The following LONP2 variants were observed in gnomAD, a reference collection of about 807,000 sequenced individuals.
LONP2 encodes the protein lon peptidase 2, peroxisomal, also known as lon protease homolog 2, peroxisomal.
Under a neutral mutation model 85.6 loss-of-function variants are expected in LONP2, and 60 were observed. The observed-to-expected ratio is 0.70, with a 90% confidence interval of 0.57 to 0.87. The LOEUF is 0.87. Ranked by LOEUF, LONP2 falls within the 40% of genes least tolerant of loss-of-function variation. The pLI, the probability that LONP2 is intolerant of heterozygous loss-of-function variation, is 0.00. For synonymous variants in LONP2, 395 were observed against 389.7 expected (o/e 1.01, Z -0.16); for missense variants, 860 against 1,063.5 (o/e 0.81, Z 2.66).
intron 8 of LONP2, among the ~76,000 whole-genome samples, chr16:48,287,001 A>G (rs531414545): frequency 1.3e-5 from 2 of 152,198 alleles, no homozygotes; most frequent in African/African-American, 2.4e-5. Context: ...TTCTGGTTTC[A>G]TTCTGTAAAG....
intron 2 of LONP2, among the ~76,000 whole-genome samples, chr16:48,255,532 T>G (rs571135535): frequency 1.3e-4 from 20 of 152,328 alleles, no homozygotes; most frequent in African/African-American, 4.6e-4. Context: ...CTCCCAGATA[T>G]ACGCTGACAG....
At chr16:48,245,810 T>G (rs1971343704) in intron 1 of LONP2, among the ~76,000 whole-genome samples, 2 of 152,156 alleles carry the variant, frequency 1.3e-5, no homozygotes, top group African/African-American at 2.4e-5. Flanking sequence ...TTATATGTGG[T>G]CCACATTATA....
At chr16:48,318,319 G>A (rs1055571427) in intron 11 of LONP2, among the ~76,000 whole-genome samples, 1 of 152,070 alleles carries the variant, frequency 6.6e-6, no homozygotes, top group East Asian at 1.9e-4. Flanking sequence ...AGGAGTTTGA[G>A]ACCAGCCTGG....
chr16:48,296,210 C>G, intron 9 of LONP2, 45 bp downstream of exon 9: 2 of 1,587,530 alleles, frequency 1.3e-6, no homozygotes, highest in Non-Finnish European at 1.7e-6. Flanking sequence ...CCTTTCTGAC[C>G]ATAACTTTAA....
chr16:48,351,571 C>T lies in LONP2; in HGVS notation c.2338-10C>T. 1 of 1,607,246 alleles carries T rather than the reference C, an allele frequency of 6.2e-7. No homozygotes were observed. The highest frequency in any genetic ancestry group is 8.5e-7 in the Non-Finnish European group (1 of 1,176,630). On this transcript the variant is annotated splice_polypyrimidine_tract_variant and intron_variant, in intron 14 of 14. Coordinates refer to ENST00000285737, the MANE Select transcript of LONP2 (RefSeq NM_031490.5). ...TCATTAACCCTAAAAACTTTTTTCT[C>T]TCCTTACAGGTGGGTGGAATTAAAG...
intron 11 of LONP2, among the ~76,000 whole-genome samples, chr16:48,304,237 G>A (rs1414225357): frequency 6.6e-6 from 1 of 152,166 alleles, no homozygotes; most frequent in Non-Finnish European, 1.5e-5. Flanking sequence ...TTCAGGTACT[G>A]CAAGGACAGA....
intron 8 of LONP2, among the ~76,000 whole-genome samples, chr16:48,291,564 A>G (rs1972557363): frequency 6.6e-6 from 1 of 152,220 alleles, no homozygotes; most frequent in South Asian, 2.1e-4. Context: ...ATTCCCAGTC[A>G]TACTTTGTAG....
At chr16:48,333,549 C>T (rs1272312848) in intron 11 of LONP2, among the ~76,000 whole-genome samples, 1 of 152,042 alleles carries the variant, frequency 6.6e-6, no homozygotes, top group Non-Finnish European at 1.5e-5. Context: ...TGCCTGTAAT[C>T]CCAGCACTTT....
At chr16:48,256,787 T>C (rs1971770114) in intron 3 of LONP2, 46 bp downstream of exon 3, 1 of 1,596,814 alleles carries the variant, frequency 6.3e-7, no homozygotes, top group Non-Finnish European at 8.6e-7. Flanking sequence ...TCACTTTTTA[T>C]TGAGATCTAG....
chr16:48,317,030 G>C (rs558647754), intron 11 of LONP2, among the ~76,000 whole-genome samples: 1 of 152,200 alleles, frequency 6.6e-6, no homozygotes, highest in Non-Finnish European at 1.5e-5. Flanking sequence ...ATTTCAGTTT[G>C]GGTCTTATTA....
rs1341355254 is a variant in LONP2 at position 48,258,562 on chromosome 16, T to A, written c.601-56T>A. 21 of 1,527,924 alleles carry A rather than the reference T, an allele frequency of 1.4e-5. No homozygotes were observed. In the South Asian group the frequency reaches 2.6e-4, roughly 19 times the overall value. The allele number at this position is 1,527,924 out of a possible 1,614,324, so 94.6% of individuals were successfully genotyped here. ...TTTAAACCATGGCTCTGACTGTCTGTTTTTGGATTGTGTGTTTCTGAGAGA... is the reference window on the plus strand; with the variant it reads ...TTTAAACCATGGCTCTGACTGTCTGATTTTGGATTGTGTGTTTCTGAGAGA... On this transcript the variant is annotated intron_variant, in intron 3 of 14. Transcript: ENST00000285737.
At chr16:48,332,909 A>T (rs970881640) in intron 11 of LONP2, among the ~76,000 whole-genome samples, 3 of 143,586 alleles carry the variant, frequency 2.1e-5, no homozygotes, top group Non-Finnish European at 4.5e-5. Context: ...CTCTGTCTCA[A>T]AAAATATAGA....
rs150715073 is a variant in LONP2, at chr16:48,275,140, G to A, written c.1242-2198G>A. On this transcript the variant is annotated intron_variant, in intron 7 of 14. Transcript: ENST00000285737. ...TTGCTAATAATGATGAGCATCACTG[G>A]AAAGCTCACTGTGTGCCAGGGACCG... is the stretch of plus-strand genomic sequence containing the variant. Among the ~76,000 whole-genome samples, 784 of 152,232 alleles carry A rather than the reference G, an allele frequency of 5.2e-3. 1 individual carries two copies. The highest frequency in any genetic ancestry group is 8.8e-3 in the Non-Finnish European group (600 of 68,028).
chr16:48,342,644 C>T (rs920982040), intron 12 of LONP2, among the ~76,000 whole-genome samples: 1 of 152,230 alleles, frequency 6.6e-6, no homozygotes, highest in African/African-American at 2.4e-5. Context: ...TGGACCCCAA[C>T]ACCTCTCCAA....
At chr16:48,248,197 C>T (rs1163413018) in intron 1 of LONP2, among the ~76,000 whole-genome samples, 2 of 152,084 alleles carry the variant, frequency 1.3e-5, no homozygotes, top group South Asian at 2.1e-4. Flanking sequence ...TCTCAGCTCA[C>T]TGCAACCTTT....
intron 14 of LONP2, 45 bp from the exon 15 acceptor site, chr16:48,351,535 CT>C: frequency 6.6e-7 from 1 of 1,509,828 alleles, no homozygotes; most frequent in Non-Finnish European, 9.1e-7. Context: ...TTTCTTTCAG[CT>C]TGAGGGTGAT....
intron 1 of LONP2, 92 bp downstream of exon 1, chr16:48,244,713 C>G: frequency 5.3e-6 from 5 of 938,318 alleles, no homozygotes; most frequent in Non-Finnish European, 5.7e-6. Flanking sequence ...GCGCGAGGCT[C>G]AGTTCGGGGC....
chr16:48,338,433 A>C lies in LONP2; in HGVS notation c.1938+4075A>C, dbSNP rs565851358. Among the ~76,000 whole-genome samples the C allele has an allele frequency of 7.9e-5, 12 of 152,340 alleles. No homozygotes were observed. The South Asian group carries it at 2.1e-3, about 26-fold the overall frequency. ...GTCTGTTTTAGAGGTAGAAGTAGACATGCTGATGGGAAACATTTGGGGAAT... is the reference window on the plus strand; with the variant it reads ...GTCTGTTTTAGAGGTAGAAGTAGACCTGCTGATGGGAAACATTTGGGGAAT... On this transcript the variant is annotated intron_variant, in intron 12 of 14. Transcript: ENST00000285737.
intron 7 of LONP2, among the ~76,000 whole-genome samples, chr16:48,276,636 C>T (rs1424757517): frequency 6.6e-6 from 1 of 152,144 alleles, no homozygotes; most frequent in African/African-American, 2.4e-5. Flanking sequence ...AAAGCAGGCT[C>T]TCACATTTTA....
Sources: gnomAD v4.1 joint callset for allele counts (sites outside exome capture counted in the v4.1 genomes callset) on GRCh38, gnomAD v4.1.1 for gene constraint, MANE v1.5 for transcripts, NCBI Gene and HGNC (gene_info 2026-07-23, HGNC 2026-07-21) for gene names.